The following PGS1 variants were observed in gnomAD, a reference collection of about 807,000 sequenced individuals.
PGS1 encodes phosphatidylglycerophosphate synthase 1, also known as CDP-diacylglycerol--glycerol-3-phosphate 3-phosphatidyltransferase, mitochondrial.
In PGS1, 44 loss-of-function variants were observed where a neutral mutation model predicts 58.3. The observed-to-expected ratio is 0.75, with a 90% confidence interval of 0.59 to 0.97. The LOEUF is 0.97. Among genes scored for constraint, PGS1 ranks in the 50% least tolerant of loss-of-function variants. PGS1 has a pLI of 0.00. For missense variants in PGS1, 684 were observed against 731.1 expected, an observed-to-expected ratio of 0.94 and a Z score of 0.74; for synonymous variants, 330 against 311.0, an observed-to-expected ratio of 1.06 and a Z score of -0.64.
Position 78,399,580 on chromosome 17 carries a change from C to T in PGS1, c.701+43C>T, listed in dbSNP as rs1395541619. The T allele has an allele frequency of 2.5e-6, 4 of 1,579,146 alleles. No individual in the cohort carries two copies. The South Asian group carries it at 3.3e-5, about 13-fold the overall frequency. On this transcript the variant is annotated intron_variant, in intron 5 of 9. Coordinates refer to ENST00000262764, the MANE Select transcript of PGS1 (RefSeq NM_024419.5). ...TCAGTGCTTTTGCCCTCCTGCTCTG[C>T]AGGCTGGAGGGCAGTGGAATAGGAA...
At chr17:78,383,351 C>G (rs1018571134) in intron 1 of PGS1, among the ~76,000 whole-genome samples, 5 of 152,060 alleles carry the variant, frequency 3.3e-5, no homozygotes, top group South Asian at 2.1e-4. Context: ...CTCAGCCTCT[C>G]GAGTAGCTGG....
chr17:78,423,215 C>G (rs748037131), intron 9 of PGS1, among the ~76,000 whole-genome samples: 1 of 152,132 alleles, frequency 6.6e-6, no homozygotes, highest in Non-Finnish European at 1.5e-5. Flanking sequence ...TCTCTCCCCT[C>G]GTGCCTGCAC....
At chr17:78,414,771 C>A in intron 7 of PGS1, 108 bp from the exon 8 acceptor site, 1 of 1,277,754 alleles carries the variant, frequency 7.8e-7, no homozygotes, top group Non-Finnish European at 1.1e-6. Flanking sequence ...CCCTCGTGTC[C>A]AGGCACCCAG....
At chr17:78,414,777 C>A in intron 7 of PGS1, 102 bp from the exon 8 acceptor site, 3 of 1,369,774 alleles carry the variant, frequency 2.2e-6, no homozygotes, top group Non-Finnish European at 3.0e-6. Context: ...TGTCCAGGCA[C>A]CCAGGGCAGG....
chr17:78,420,241 T>C (rs2146349820), intron 9 of PGS1: 1 of 988,994 alleles, frequency 1.0e-6, no homozygotes, highest in East Asian at 1.1e-4. Context: ...CTCTGGAAGT[T>C]GAGTAACAGG....
At chr17:78,396,844 ACACT>A (rs1211513848) in intron 3 of PGS1, among the ~76,000 whole-genome samples, 2 of 152,268 alleles carry the variant, frequency 1.3e-5, no homozygotes, top group Non-Finnish European at 2.9e-5. Flanking sequence ...GAACACAGCC[ACACT>A]CATTCATTTG....
At chr17:78,389,705 C>A (rs1328800400) in intron 1 of PGS1, among the ~76,000 whole-genome samples, 3 of 152,190 alleles carry the variant, frequency 2.0e-5, no homozygotes, top group Non-Finnish European at 4.4e-5. Flanking sequence ...CCTCCGCCTC[C>A]TGGGTTCAAG....
At chr17:78,385,839 C>T (rs1326388512) in intron 1 of PGS1, among the ~76,000 whole-genome samples, 4 of 152,220 alleles carry the variant, frequency 2.6e-5, no homozygotes, top group Non-Finnish European at 5.9e-5. Context: ...CTCATGGGGG[C>T]AAGTGTGTGC....
chr17:78,402,397 C>CATATAT (rs10599132), intron 6 of PGS1, among the ~76,000 whole-genome samples: 2 of 108,286 alleles, frequency 1.8e-5, no homozygotes, highest in Middle Eastern at 4.1e-3. Context: ...AATTTCTATT[C>CATATAT]ATATATATAT....
chr17:78,414,624 A>G (rs2085015834), intron 7 of PGS1, among the ~76,000 whole-genome samples: 1 of 152,136 alleles, frequency 6.6e-6, no homozygotes, highest in Non-Finnish European at 1.5e-5. Context: ...ACACAAGGCC[A>G]CAGTGTGAAT....
In PGS1 at chr17:78,378,837, AGCCCTCGC is replaced by A. The variant is rs377016188; in HGVS notation, c.143+31_143+38del. 2.7e-4 allele frequency: 366 copies of A among 1,380,582 alleles called. 2 individuals carry two copies. The African/African-American group carries it at 4.9e-3, about 18-fold the overall frequency. The allele number at this position is 1,380,582 out of a possible 1,614,324, so 85.5% of individuals were successfully genotyped here. A position where few individuals can be genotyped will look rare whatever the true frequency, so the allele number is the denominator to read the frequency against. On this transcript the variant is annotated intron_variant, in intron 1 of 9. Coordinates refer to ENST00000262764, the MANE Select transcript of PGS1 (RefSeq NM_024419.5). ...AGAGGGGCGGCCGGGATGAGAGTGC[AGCCCTCGC>A]GGCTGCAGCCCGGCCCCCCGGCGCT...
Position 78,378,917 on chromosome 17 carries a change from C to T in PGS1, c.143+109C>T, listed in dbSNP as rs902858552. 3 of 1,198,164 alleles carry T rather than the reference C, an allele frequency of 2.5e-6. No homozygotes were observed. The East Asian group carries it at 9.6e-5, about 38-fold the overall frequency. 74.2% of individuals were successfully genotyped at this position (1,198,164 alleles called of 1,614,324 possible). The stretch of plus-strand genomic sequence containing the variant: ...CTGGGCATCCGCAGCGAGTCCCTCC[C>T]CGGTTTCCGGGCCCATTTCTGCCTC... On this transcript the variant is annotated intron_variant, in intron 1 of 9. Coordinates refer to ENST00000262764, the MANE Select transcript of PGS1 (RefSeq NM_024419.5).
intron 2 of PGS1, among the ~76,000 whole-genome samples, chr17:78,393,455 G>T (rs1335445326): frequency 6.6e-6 from 1 of 152,202 alleles, no homozygotes; most frequent in African/African-American, 2.4e-5. Context: ...AGGACCCGTG[G>T]GTCACATGGG....
At chr17:78,420,043 C>T in intron 9 of PGS1, 2 of 1,108,176 alleles carry the variant, frequency 1.8e-6, no homozygotes, top group South Asian at 4.5e-5. Flanking sequence ...CCAAGCTGAG[C>T]ACACTGGTGC....
intron 1 of PGS1, among the ~76,000 whole-genome samples, chr17:78,386,766 A>G (rs866747783): frequency 6.6e-6 from 1 of 152,188 alleles, no homozygotes; most frequent in Non-Finnish European, 1.5e-5. Context: ...CTGCTTTAGC[A>G]TGGGGATAAA....
chr17:78,395,129 G>A (rs940131359), intron 2 of PGS1, among the ~76,000 whole-genome samples: 12 of 152,198 alleles, frequency 7.9e-5, no homozygotes, highest in Non-Finnish European at 1.3e-4. Context: ...GGCGCACAGC[G>A]AGAAGGGAGG....
At position 78,378,704 on chromosome 17, in the gene PGS1, C is replaced by A. The variant is rs1199940116; in HGVS notation, c.39C>A (p.Phe13Leu). The A allele has an allele frequency of 1.3e-6, 2 of 1,522,298 alleles. No individual in the cohort carries two copies. Among genetic ancestry groups the A allele is most frequent in the Non-Finnish European group, 1.8e-6 (2 of 1,141,482 alleles). 94.3% of individuals were successfully genotyped at this position (1,522,298 alleles called of 1,614,324 possible). Residue 13 changes from phenylalanine (F) to leucine (L), a missense_variant, in exon 1 of 10, where the codon TTC becomes TTA. Coordinates refer to ENST00000262764, the MANE Select transcript of PGS1 (RefSeq NM_024419.5). Reference sequence around the variant, plus strand: ...CGGCAGCTGCGGCGGGACCCGTGTTCTGGAGGCGACTGCTGGGCCTCCTGC... The same window carrying A: ...CGGCAGCTGCGGCGGGACCCGTGTTATGGAGGCGACTGCTGGGCCTCCTGC... ...VAAAAAAGPV[F>L]WRRLLGLLPG...
chr17:78,417,676 C>T lies in PGS1; in HGVS notation c.1552-1870C>T, dbSNP rs1022495398. Among the ~76,000 whole-genome samples the T allele has an allele frequency of 3.9e-5, 6 of 151,930 alleles. No individual in the cohort carries two copies. In the South Asian group the frequency reaches 8.3e-4, roughly 21 times the overall value. On this transcript the variant is annotated intron_variant, in intron 8 of 9. Coordinates refer to ENST00000262764, the MANE Select transcript of PGS1 (RefSeq NM_024419.5). ...ACAGGCCACCGCTGCTGCTGTCCTG[C>T]GGTTGGCACTGTGCTTCTGTGGTCA... is the stretch of plus-strand genomic sequence containing the variant.
At chr17:78,410,850 C>T (rs1219900802) in intron 7 of PGS1, among the ~76,000 whole-genome samples, 1 of 152,096 alleles carries the variant, frequency 6.6e-6, no homozygotes, top group East Asian at 1.9e-4. Flanking sequence ...TTCATTCAAA[C>T]AGATATCTAA....
Sources: allele counts gnomAD v4.1 joint callset (sites outside exome capture counted in the v4.1 genomes callset), GRCh38; gene constraint gnomAD v4.1.1; transcripts MANE v1.5; gene names NCBI Gene and HGNC (gene_info 2026-07-23, HGNC 2026-07-21).